Variants in KAT6B observed in about 807,000 individuals in gnomAD.
The protein encoded by KAT6B is lysine acetyltransferase 6B, also known as histone acetyltransferase KAT6B.
A neutral mutation model predicts 187.5 loss-of-function variants in KAT6B; 10 were observed. That is an observed-to-expected ratio of 0.05 (90% CI 0.03 to 0.09). The LOEUF is 0.09. Ranked by LOEUF, KAT6B falls within the 10% of genes least tolerant of loss-of-function variation. KAT6B has a pLI of 1.00. For missense variants in KAT6B, 1,952 were observed against 2,558.9 expected (o/e 0.76, Z 5.12); for synonymous variants, 861 against 926.8 (o/e 0.93, Z 1.29).
At chr10:74,887,112 A>G (rs1020777528) in intron 3 of KAT6B, among the ~76,000 whole-genome samples, 1 of 152,128 alleles carries the variant, frequency 6.6e-6, no homozygotes, top group Non-Finnish European at 1.5e-5. Context: ...GCATTTGGGC[A>G]TGTCAGACCA....
intron 3 of KAT6B, among the ~76,000 whole-genome samples, chr10:74,912,306 ATG>A (rs1847273880): frequency 6.6e-6 from 1 of 152,016 alleles, no homozygotes; most frequent in South Asian, 2.1e-4. Flanking sequence ...GTATGTATGT[ATG>A]TATGTATGTA....
At chr10:74,872,718 T>C (rs116542816) in intron 3 of KAT6B, among the ~76,000 whole-genome samples, 5,897 of 151,580 alleles carry the variant, frequency 0.039, 401 homozygotes, top group African/African-American at 0.14. Flanking sequence ...GGTTCTGCTA[T>C]GTTGCCCAGG....
intron 3 of KAT6B, among the ~76,000 whole-genome samples, chr10:74,909,774 A>G (rs1166383965): frequency 6.6e-6 from 1 of 152,166 alleles, no homozygotes; most frequent in Non-Finnish European, 1.5e-5. Context: ...CTCAGCACTC[A>G]TTACCCATTC....
intron 3 of KAT6B, among the ~76,000 whole-genome samples, chr10:74,902,704 A>C (rs1368090432): frequency 1.3e-5 from 2 of 152,192 alleles, no homozygotes; most frequent in African/African-American, 4.8e-5. Context: ...ATCTGTAGGA[A>C]TACTCTGGCT....
chr10:74,931,658 G>A (rs1315948379), intron 3 of KAT6B, among the ~76,000 whole-genome samples: 5 of 152,154 alleles, frequency 3.3e-5, no homozygotes, highest in African/African-American at 1.2e-4. Flanking sequence ...TAAAAGGGAT[G>A]GAAGATCTGG....
At chr10:74,990,086 TAGGG>T (rs1843032705) in intron 13 of KAT6B, among the ~76,000 whole-genome samples, 2 of 149,172 alleles carry the variant, frequency 1.3e-5, no homozygotes, top group African/African-American at 4.9e-5. Context: ...TCCCAGCTAC[TAGGG>T]AGGCTGAGGC....
rs114126792 is a variant in KAT6B, at chr10:75,029,231, G to A, written c.4407G>A (p.Ser1469=). The change falls in exon 18 of 18, where the codon TCG becomes TCA. Residue 1469 remains serine (S), a synonymous_variant. Transcript: ENST00000287239. This position sits in a 1 kb window ranked among gnomAD's most constrained non-coding sequence, Gnocchi z 6.2. Reference sequence around the variant, plus strand: ...ACCTTAATGTGCAGCCTGGTCACTCGAACCCAGAGGTCTTAATGGACTGTG... The same window carrying A: ...ACCTTAATGTGCAGCCTGGTCACTCAAACCCAGAGGTCTTAATGGACTGTG... ...FLDLNVQPGH[S]NPEVLMDCGV... 7.2e-4 allele frequency: 1,158 copies of A among 1,614,126 alleles called. 5 individuals are homozygous for A. In the African/African-American group the frequency reaches 0.013, roughly 19 times the overall value.
intron 3 of KAT6B, among the ~76,000 whole-genome samples, chr10:74,929,339 G>A (rs1359672850): frequency 6.6e-6 from 1 of 152,116 alleles, no homozygotes; most frequent in African/African-American, 2.4e-5. Flanking sequence ...GCTCTGTTTT[G>A]AAAACATTCC....
chr10:74,878,809 G>A (rs1220477601), intron 3 of KAT6B, among the ~76,000 whole-genome samples: 1 of 152,096 alleles, frequency 6.6e-6, no homozygotes, highest in Admixed American at 6.6e-5. Context: ...GGTGAGTGGT[G>A]TCTGGCCAAA....
Position 75,002,390 on chromosome 10 carries a change from C to A in KAT6B, c.2629+13278C>A, listed in dbSNP as rs536462122. Among the ~76,000 whole-genome samples the A allele has an allele frequency of 3.1e-4, 44 of 143,056 alleles. 1 individual carries two copies. In the South Asian group the frequency reaches 9.4e-3, roughly 31 times the overall value. The allele number at this position is 143,056 out of a possible 152,430, so 93.9% of individuals were successfully genotyped here. On this transcript the variant is annotated intron_variant, in intron 13 of 17. Transcript: ENST00000287239. ...AGTGGCACTAACCAAAAAAAAAAAA[C>A]AACAACAAACTAGGCTAAGCAAGTG...
chr10:75,008,127 A>G (rs764776322), intron 13 of KAT6B, among the ~76,000 whole-genome samples: 7 of 152,212 alleles, frequency 4.6e-5, no homozygotes, highest in Non-Finnish European at 8.8e-5. Flanking sequence ...TGAGGATGAA[A>G]TGGAGGATTC....
intron 3 of KAT6B, among the ~76,000 whole-genome samples, chr10:74,883,295 C>T (rs1845000331): frequency 6.6e-6 from 1 of 152,050 alleles, no homozygotes; most frequent in Non-Finnish European, 1.5e-5. Context: ...TGTACATGCT[C>T]CCAGAGGAGA....
In KAT6B at chr10:74,974,061, C is replaced by G. The variant is rs1212405855; in HGVS notation, c.1062-1338C>G. Among the ~76,000 whole-genome samples the G allele has an allele frequency of 3.3e-5, 5 of 152,260 alleles. No individual in the cohort carries two copies. The East Asian group carries it at 9.6e-4, about 29-fold the overall frequency. ...AAGCATATTATCCTTTCTGGGCAATCGATTCCAGATACAATCCAAATGCAG... is the reference window on the plus strand; with the variant it reads ...AAGCATATTATCCTTTCTGGGCAATGGATTCCAGATACAATCCAAATGCAG... On this transcript the variant is annotated intron_variant, in intron 7 of 17. Transcript: ENST00000287239.
intron 3 of KAT6B, among the ~76,000 whole-genome samples, chr10:74,886,485 C>T (rs904664303): frequency 2.0e-5 from 3 of 152,096 alleles, no homozygotes; most frequent in Non-Finnish European, 2.9e-5. Context: ...TTCCTTTAAA[C>T]GTAAGTATAG....
chr10:75,009,858 A>G (rs892889553), intron 13 of KAT6B, among the ~76,000 whole-genome samples: 1 of 152,046 alleles, frequency 6.6e-6, no homozygotes, highest in Non-Finnish European at 1.5e-5. Flanking sequence ...AAAATTACCC[A>G]GGCGTGGTGG....
Position 74,942,355 on chromosome 10 carries a change from C to T in KAT6B, c.622-17615C>T, listed in dbSNP as rs554469200. On this transcript the variant is annotated intron_variant, in intron 3 of 17. Transcript: ENST00000287239. ...TTGTGACATGAAGCAAATATATGATCATCTTATTAAGATAAGGAAAAACAA... is the reference window on the plus strand; with the variant it reads ...TTGTGACATGAAGCAAATATATGATTATCTTATTAAGATAAGGAAAAACAA... Among the ~76,000 whole-genome samples the T allele has an allele frequency of 6.4e-4, 97 of 152,100 alleles. 1 individual carries two copies. The highest frequency in any genetic ancestry group is 6.8e-3 in the Middle Eastern group (2 of 294).
chr10:74,983,097 T>C (rs1341465264), intron 11 of KAT6B: 1 of 152,198 alleles, frequency 6.6e-6, no homozygotes, highest in East Asian at 1.9e-4. Context: ...ATCAGCTCTT[T>C]CGGTAAGCTT....
rs183236334 is a variant in KAT6B, at chr10:74,909,168, C to T, written c.622-50802C>T. ...GGCAGATCACCTTAGGTCAGGAGTT[C>T]GAGACTAGCCTTGCCACAATGGCGA... On this transcript the variant is annotated intron_variant, in intron 3 of 17. Coordinates refer to ENST00000287239, the MANE Select transcript of KAT6B (RefSeq NM_012330.4). Among the ~76,000 whole-genome samples the T allele has an allele frequency of 3.5e-4, 53 of 152,294 alleles. No homozygotes were observed. The South Asian group carries it at 5.0e-3, about 14-fold the overall frequency.
intron 3 of KAT6B, among the ~76,000 whole-genome samples, chr10:74,859,056 C>T (rs138033014): frequency 1.1e-4 from 17 of 151,574 alleles, no homozygotes; most frequent in African/African-American, 4.1e-4. Flanking sequence ...ATTTCAAAGA[C>T]TAAGTAACAT....
Sources: allele counts gnomAD v4.1 joint callset (sites outside exome capture counted in the v4.1 genomes callset), GRCh38; gene constraint gnomAD v4.1.1; non-coding constraint Gnocchi (gnomAD v3.1); transcripts MANE v1.5; gene names NCBI Gene and HGNC (gene_info 2026-07-23, HGNC 2026-07-21).